Variants in CADPS observed in about 807,000 individuals in gnomAD.
CADPS encodes the protein calcium-dependent secretion activator 1.
CADPS carries 57 observed loss-of-function variants against 167.3 expected under a neutral mutation model. The ratio of observed to expected loss-of-function variants is 0.34; its 90% CI spans 0.28 to 0.42. CADPS has a LOEUF of 0.42. CADPS is among the 20% of genes least tolerant of loss of function. CADPS has a pLI of 1.00. For missense variants in CADPS, 1,414 were observed against 1,738.1 expected, an observed-to-expected ratio of 0.81 and a Z score of 3.32; for synonymous variants, 676 against 635.3, an observed-to-expected ratio of 1.06 and a Z score of -0.96.
At chr3:62,842,936 A>G (rs911446393) in intron 1 of CADPS, among the ~76,000 whole-genome samples, 1 of 152,242 alleles carries the variant, frequency 6.6e-6, no homozygotes, top group African/African-American at 2.4e-5. Context: ...CCTAACCCTG[A>G]ACATAATTGA....
intron 8 of CADPS, among the ~76,000 whole-genome samples, chr3:62,576,042 G>T (rs972494240): frequency 1.3e-5 from 2 of 152,196 alleles, no homozygotes; most frequent in Non-Finnish European, 2.9e-5. Flanking sequence ...AGGATACACA[G>T]TACCTGGAGC....
At chr3:62,825,260 A>G (rs2152955977) in intron 1 of CADPS, among the ~76,000 whole-genome samples, 1 of 152,214 alleles carries the variant, frequency 6.6e-6, no homozygotes, top group Non-Finnish European at 1.5e-5. Flanking sequence ...TTGGGTGAAT[A>G]CCCAAAGTCA....
intron 3 of CADPS, among the ~76,000 whole-genome samples, chr3:62,717,075 T>C (rs943558708): frequency 2.0e-5 from 3 of 152,174 alleles, no homozygotes; most frequent in African/African-American, 4.8e-5. Flanking sequence ...CTGGAATAGA[T>C]TGATTTTGTA....
intron 3 of CADPS, among the ~76,000 whole-genome samples, chr3:62,685,428 G>T (rs969433534): frequency 3.3e-5 from 5 of 151,864 alleles, no homozygotes; most frequent in Non-Finnish European, 5.9e-5. Flanking sequence ...AAAAACTGGT[G>T]ATAATAATGT....
intron 1 of CADPS, among the ~76,000 whole-genome samples, chr3:62,831,384 C>T (rs2075050533): frequency 6.6e-6 from 1 of 152,114 alleles, no homozygotes; most frequent in Non-Finnish European, 1.5e-5. Flanking sequence ...GCTTTTATCC[C>T]CTGCATGAGG....
rs1009386414 is a variant in CADPS, at chr3:62,660,325, T to G, written c.969+1989A>C. 3.3e-5 allele frequency among the ~76,000 whole-genome samples: 5 copies of G among 152,314 alleles called. No homozygotes were observed. The South Asian group carries it at 1.0e-3, about 32-fold the overall frequency. On this transcript the variant is annotated intron_variant, in intron 4 of 29. Transcript: ENST00000383710. ...ATGAATGGACCAAATGACCTCCATT[T>G]TCTGGATAATCCACCAGTAGGAAAC...
At chr3:62,607,398 G>A (rs532353025) in intron 6 of CADPS, among the ~76,000 whole-genome samples, 30 of 152,318 alleles carry the variant, frequency 2.0e-4, no homozygotes, top group Non-Finnish European at 3.5e-4. Context: ...GGCAGCCAAT[G>A]TCTCTCAAAT....
intron 3 of CADPS, among the ~76,000 whole-genome samples, chr3:62,700,962 C>T (rs963360527): frequency 1.3e-5 from 2 of 152,078 alleles, no homozygotes; most frequent in African/African-American, 4.8e-5. Context: ...CCCCTTCAGG[C>T]TTGCAGATGG....
intron 29 of CADPS, 134 bp downstream of exon 29, chr3:62,402,947 A>T (rs945828219): frequency 2.7e-5 from 14 of 519,434 alleles, no homozygotes; most frequent in African/African-American, 2.5e-4. Flanking sequence ...AAACAATTGC[A>T]TAGGTTTTTC....
At chr3:62,560,372 T>C (rs555929034) in intron 9 of CADPS, among the ~76,000 whole-genome samples, 1 of 152,342 alleles carries the variant, frequency 6.6e-6, no homozygotes, top group East Asian at 1.9e-4. Flanking sequence ...GTAGAATTCT[T>C]TTAAAACTGT....
chr3:62,510,708 T>C (rs991823852), intron 17 of CADPS, among the ~76,000 whole-genome samples: 1 of 152,102 alleles, frequency 6.6e-6, no homozygotes, highest in African/African-American at 2.4e-5. Flanking sequence ...CAGTCCCCAG[T>C]ATTCTACCCA....
In CADPS at chr3:62,874,605, G is replaced by T; in HGVS notation, c.425C>A (p.Ala142Asp). The T allele has an allele frequency of 6.4e-7, 1 of 1,555,078 alleles. No individual in the cohort carries two copies. The change falls in exon 1 of 30, where the codon GCT becomes GAT. Residue 142 changes from alanine (A) to aspartate (D), a missense_variant. By Grantham distance (126) the Ala-to-Asp change is moderately radical. Around this residue, in one of 6 missense-constraint regions of CADPS, gnomAD observed 522 missense variants for 559.5 expected, o/e 0.93. Coordinates refer to ENST00000383710, the MANE Select transcript of CADPS (RefSeq NM_003716.4). This position sits in a 1 kb window ranked among gnomAD's most constrained non-coding sequence, Gnocchi z 7.1. Reference sequence around the variant, plus strand: ...CGCACCTACCTTCTGCTGCCGGCGAGCCATGTCGGTGGGCTGCTTGGCATT... The same window carrying T: ...CGCACCTACCTTCTGCTGCCGGCGATCCATGTCGGTGGGCTGCTTGGCATT... ...PFNAKQPTDM[A>D]RRQQKISKQQ...
At chr3:62,445,688 C>A in intron 27 of CADPS, 77 bp downstream of exon 27, 2 of 1,088,580 alleles carry the variant, frequency 1.8e-6, no homozygotes, top group Non-Finnish European at 2.5e-6. Flanking sequence ...TATCAAAATT[C>A]TCATGAAAAC....
At chr3:62,859,730 G>A (rs1449530473) in intron 1 of CADPS, among the ~76,000 whole-genome samples, 6 of 152,316 alleles carry the variant, frequency 3.9e-5, no homozygotes, top group East Asian at 1.9e-4. Flanking sequence ...AAAACTCATA[G>A]GGAGTTGTTT....
chr3:62,769,798 C>A (rs1039384311), intron 1 of CADPS, among the ~76,000 whole-genome samples: 1 of 152,142 alleles, frequency 6.6e-6, no homozygotes, highest in Non-Finnish European at 1.5e-5. Flanking sequence ...CCAAGAGACA[C>A]AGGTTCAAGT....
At chr3:62,738,380 G>A (rs935227232) in intron 3 of CADPS, among the ~76,000 whole-genome samples, 2 of 152,032 alleles carry the variant, frequency 1.3e-5, no homozygotes, top group Non-Finnish European at 2.9e-5. Context: ...TTGGACTTAT[G>A]TTTCTACTTT....
intron 24 of CADPS, chr3:62,473,791 G>A (rs1032876809): frequency 6.3e-5 from 10 of 158,152 alleles, no homozygotes; most frequent in African/African-American, 2.4e-4. Flanking sequence ...TGCAAGAAAG[G>A]CCTCTCTTGC....
chr3:62,504,808 GA>G lies in CADPS; in HGVS notation c.2600-5541del, dbSNP rs2066362418. On this transcript the variant is annotated intron_variant, in intron 17 of 29. Coordinates refer to ENST00000383710, the MANE Select transcript of CADPS (RefSeq NM_003716.4). ...ATGTGACTGCAGAAAAACAAAAAGA[GA>G]ATTCCGCAGCAGGCTTATCTAAGCC... Among the ~76,000 whole-genome samples the G allele has an allele frequency of 2.0e-5, 3 of 152,088 alleles. No individual in the cohort carries two copies. In the South Asian group the frequency reaches 6.2e-4, roughly 32 times the overall value.
chr3:62,564,490 T>C (rs903285492), intron 9 of CADPS, among the ~76,000 whole-genome samples: 4 of 152,320 alleles, frequency 2.6e-5, no homozygotes, highest in Non-Finnish European at 5.9e-5. Flanking sequence ...ATATAAGTGA[T>C]TGTCCACATT....
Sources: gnomAD v4.1 joint callset for allele counts (sites outside exome capture counted in the v4.1 genomes callset) on GRCh38, gnomAD v4.1.1 for gene constraint, gnomAD v4.1.1 regional missense constraint, Gnocchi (gnomAD v3.1) non-coding constraint, MANE v1.5 for transcripts, NCBI Gene and HGNC (gene_info 2026-07-23, HGNC 2026-07-21) for gene names.